VIT: variants seen among roughly 807,000 people sequenced by gnomAD.
VIT encodes vitrin.
VIT carries 99 observed loss-of-function variants against 78.0 expected under a neutral mutation model. The ratio of observed to expected loss-of-function variants is 1.27; its 90% CI spans 1.08 to 1.50. VIT has a LOEUF of 1.50. Among genes scored for constraint, VIT ranks in the 40% most tolerant of loss-of-function variants. VIT has a pLI of 0.00. For synonymous variants in VIT, 374 were observed against 334.3 expected, an observed-to-expected ratio of 1.12 and a Z score of -1.29; for missense variants, 1,126 against 875.3, an observed-to-expected ratio of 1.29 and a Z score of -3.61.
intron 2 of VIT, among the ~76,000 whole-genome samples, chr2:36,728,905 C>T (rs1667025909): frequency 1.3e-5 from 2 of 150,326 alleles, no homozygotes; most frequent in South Asian, 4.2e-4. Context: ...CGGCTTTGTA[C>T]AGTAATATCC....
At chr2:36,732,396 C>G (rs1284434143) in intron 3 of VIT, among the ~76,000 whole-genome samples, 2 of 152,158 alleles carry the variant, frequency 1.3e-5, no homozygotes, top group African/African-American at 2.4e-5. Context: ...ATTAGAAACT[C>G]TAGCACAATT....
chr2:36,801,474 C>A (rs1369436073), intron 13 of VIT, 70 bp downstream of exon 13: 3 of 1,343,880 alleles, frequency 2.2e-6, no homozygotes, highest in African/African-American at 1.5e-5. Context: ...TGTCTTCTAA[C>A]CATTCTATAT....
intron 12 of VIT, among the ~76,000 whole-genome samples, chr2:36,790,629 C>G (rs1192986398): frequency 6.6e-6 from 1 of 152,208 alleles, no homozygotes; most frequent in Non-Finnish European, 1.5e-5. Context: ...CCCAAGAACA[C>G]ACAGCTAAAT....
chr2:36,759,667 G>T, intron 6 of VIT: 2 of 990,050 alleles, frequency 2.0e-6, no homozygotes, highest in Non-Finnish European at 2.4e-6. Context: ...GAAACTGTGA[G>T]TCGCTTTATA....
chr2:36,782,829 G>C lies in VIT; in HGVS notation c.848-511G>C, dbSNP rs78015638. On this transcript the variant is annotated intron_variant, in intron 10 of 15. Transcript: ENST00000379242. ...TTGCATTTTAAGCCCTCTTATGTGA[G>C]TTACTTTTAAATAAACTGTCTTCCT... 4.5e-3 allele frequency among the ~76,000 whole-genome samples: 686 copies of C among 152,272 alleles called. 7 individuals carry two copies. The highest frequency in any genetic ancestry group is 0.016 in the African/African-American group (666 of 41,534).
At chr2:36,781,915 T>A (rs1572530229) in intron 10 of VIT, 144 bp downstream of exon 10, 1 of 1,005,644 alleles carries the variant, frequency 9.9e-7, no homozygotes, top group African/African-American at 1.6e-5. Flanking sequence ...GATTTAAGGG[T>A]CCTACAAAGG....
chr2:36,785,229 C>T (rs1665013428), intron 11 of VIT, among the ~76,000 whole-genome samples: 1 of 152,220 alleles, frequency 6.6e-6, no homozygotes, highest in Admixed American at 6.5e-5. Flanking sequence ...AGGATTACTT[C>T]TCCAACTTTA....
chr2:36,758,905 A>G (rs1320913939), intron 5 of VIT, 64 bp from the exon 6 acceptor site: 6 of 1,416,552 alleles, frequency 4.2e-6, no homozygotes, highest in East Asian at 4.5e-5. Flanking sequence ...TCAACTTAGT[A>G]CAGAACCATC....
chr2:36,733,182 C>T (rs67756954), intron 3 of VIT, among the ~76,000 whole-genome samples: 19,658 of 152,090 alleles, frequency 0.13, 1,434 homozygotes, highest in East Asian at 0.31. Context: ...GGGATTTGGG[C>T]AGGACGTGGG....
intron 5 of VIT, 27 bp from the exon 6 acceptor site, chr2:36,758,942 C>A (rs775014899): frequency 1.3e-6 from 2 of 1,584,774 alleles, no homozygotes; most frequent in East Asian, 2.2e-5. Flanking sequence ...AGAAATAAAT[C>A]TCGTTTTTTT....
Position 36,814,262 on chromosome 2 carries a change from C to G in VIT, c.1983C>G (p.Asp661Glu), listed in dbSNP as rs754607640. Reference protein sequence around the residue: ...LEVIATHPARDHSFFVDEFDN... With the variant: ...LEVIATHPAREHSFFVDEFDN... ...TCATTGCCACTCACCCCGCCAGAGA[C>G]CACTCCTTCTTTGTGGACGAGTTTG... Residue 661 changes from aspartate (D) to glutamate (E), a missense_variant, in exon 16 of 16, where the codon GAC becomes GAG. Physicochemically the swap from Asp to Glu is conservative, Grantham distance 45. Coordinates refer to ENST00000379242, the MANE Select transcript of VIT (RefSeq NM_053276.4). 1 of 1,614,214 alleles carries G rather than the reference C, an allele frequency of 6.2e-7. No individual in the cohort carries two copies. Among genetic ancestry groups the G allele is most frequent in the Non-Finnish European group, 8.5e-7 (1 of 1,180,038 alleles).
chr2:36,775,532 T>C lies in VIT; in HGVS notation c.802+465T>C, dbSNP rs1213354380. On this transcript the variant is annotated intron_variant, in intron 9 of 15. Transcript: ENST00000379242. ...GGTTTGTTTCAATGCTGTATTCTGCTGAATGTATTTGGCCTCATTCCCTTT... is the reference window on the plus strand; with the variant it reads ...GGTTTGTTTCAATGCTGTATTCTGCCGAATGTATTTGGCCTCATTCCCTTT... Among the ~76,000 whole-genome samples the C allele has an allele frequency of 2.0e-5, 3 of 152,382 alleles. No homozygotes were observed. In the East Asian group the frequency reaches 5.8e-4, roughly 29 times the overall value.
rs554209949 is a variant in VIT at position 36,801,512 on chromosome 2, A to C, written c.1162+108A>C. On this transcript the variant is annotated intron_variant, in intron 13 of 15. Transcript: ENST00000379242. ...AAGGAAAAAATAATAATAATCCGTC[A>C]AGAAATAACTTCTGGTCGGGCGTGG... 5 of 1,053,178 alleles carry C rather than the reference A, an allele frequency of 4.7e-6. No homozygotes were observed. The East Asian group carries it at 1.3e-4, about 26-fold the overall frequency. The allele number at this position is 1,053,178 out of a possible 1,614,324, so 65.2% of individuals were successfully genotyped here.
intron 9 of VIT, among the ~76,000 whole-genome samples, chr2:36,780,453 A>C (rs752151615): frequency 6.6e-6 from 1 of 152,224 alleles, no homozygotes; most frequent in Non-Finnish European, 1.5e-5. Flanking sequence ...AAGAAGCAGG[A>C]TGTTCTTGAT....
chr2:36,705,588 T>C (rs1665366661), intron 1 of VIT, among the ~76,000 whole-genome samples: 1 of 152,158 alleles, frequency 6.6e-6, no homozygotes, highest in Non-Finnish European at 1.5e-5. Flanking sequence ...ACATCAGCTG[T>C]GTACATGGAT....
At chr2:36,774,929 C>G (rs528166607) in intron 8 of VIT, 73 bp from the exon 9 acceptor site, 4 of 1,591,566 alleles carry the variant, frequency 2.5e-6, no homozygotes, top group Non-Finnish European at 3.4e-6. Flanking sequence ...TAATTTTCAC[C>G]GGGGGCAAAA....
chr2:36,775,668 T>C (rs1285220955), intron 9 of VIT, among the ~76,000 whole-genome samples: 1 of 152,188 alleles, frequency 6.6e-6, no homozygotes, highest in Non-Finnish European at 1.5e-5. Flanking sequence ...CAGATGTTCC[T>C]AGATGTTCCT....
chr2:36,777,955 A>G (rs1204990715), intron 9 of VIT, among the ~76,000 whole-genome samples: 1 of 152,136 alleles, frequency 6.6e-6, no homozygotes, highest in Non-Finnish European at 1.5e-5. Context: ...AAGCAGTTAC[A>G]TGTGGACCTG....
rs779104906 is a variant in VIT, at chr2:36,781,707, T to A, written c.803-20T>A. On this transcript the variant is annotated intron_variant, in intron 9 of 15. Coordinates refer to ENST00000379242, the MANE Select transcript of VIT (RefSeq NM_053276.4). Reference sequence around the variant, plus strand: ...TTGGTTTAAGTAACAAGTTTGTTTCTTTTCAATTTTGAAAATCAGGAGAGA... The same window carrying A: ...TTGGTTTAAGTAACAAGTTTGTTTCATTTCAATTTTGAAAATCAGGAGAGA... The A allele has an allele frequency of 6.2e-7, 1 of 1,614,096 alleles. No homozygotes were observed. Among genetic ancestry groups the A allele is most frequent in the Non-Finnish European group, 8.5e-7 (1 of 1,179,976 alleles).
Sources: gnomAD v4.1 joint callset for allele counts (sites outside exome capture counted in the v4.1 genomes callset) on GRCh38, gnomAD v4.1.1 for gene constraint, MANE v1.5 for transcripts, NCBI Gene and HGNC (gene_info 2026-07-23, HGNC 2026-07-21) for gene names.